Variants in GRM1 observed in about 807,000 individuals in gnomAD.
The protein encoded by GRM1 is glutamate metabotropic receptor 1.
A neutral mutation model predicts 90.9 loss-of-function variants in GRM1; 33 were observed. That is an observed-to-expected ratio of 0.36 (90% CI 0.28 to 0.49). The LOEUF (loss-of-function observed/expected upper bound fraction) is 0.49, where lower values mean the gene tolerates loss of function less well. Ranked by LOEUF, GRM1 falls within the 20% of genes least tolerant of loss-of-function variation. The pLI is 0.99. For synonymous variants in GRM1, 700 were observed against 613.2 expected (o/e 1.14, Z -2.09); for missense variants, 1,190 against 1,534.3 (o/e 0.78, Z 3.75).
intron 1 of GRM1, among the ~76,000 whole-genome samples, chr6:146,058,146 C>T (rs996447659): frequency 5.9e-5 from 9 of 151,984 alleles, no homozygotes; most frequent in East Asian, 5.8e-4. Flanking sequence ...ATGTAGATAA[C>T]GAGCTGTCAT....
chr6:146,363,991 G>A (rs1775586430), intron 5 of GRM1, among the ~76,000 whole-genome samples: 1 of 152,356 alleles, frequency 6.6e-6, no homozygotes, highest in Non-Finnish European at 1.5e-5. Flanking sequence ...GGAAAATGAG[G>A]TTGGGAAGAG....
chr6:146,267,065 A>G (rs141009711), intron 2 of GRM1, among the ~76,000 whole-genome samples: 5 of 152,152 alleles, frequency 3.3e-5, no homozygotes, highest in East Asian at 1.9e-4. Context: ...ACAGGCCCCA[A>G]TGTGTGTTAT....
chr6:146,379,770 G>A (rs954008607), intron 5 of GRM1, among the ~76,000 whole-genome samples: 1 of 152,120 alleles, frequency 6.6e-6, no homozygotes, highest in Non-Finnish European at 1.5e-5. Flanking sequence ...GATCCAAGCT[G>A]TATCTGCTTT....
intron 1 of GRM1, among the ~76,000 whole-genome samples, chr6:146,154,350 T>G (rs374700910): frequency 2.8e-4 from 42 of 152,264 alleles, no homozygotes; most frequent in Non-Finnish European, 5.3e-4. Flanking sequence ...GGCATCTGAC[T>G]TCCTTCCTCG....
intron 2 of GRM1, among the ~76,000 whole-genome samples, chr6:146,264,353 T>C (rs1317682434): frequency 2.0e-5 from 3 of 152,060 alleles, no homozygotes; most frequent in Admixed American, 6.6e-5. Context: ...AATATTTCTA[T>C]CATAAATTTA....
intron 3 of GRM1, among the ~76,000 whole-genome samples, chr6:146,318,370 A>C (rs1784052012): frequency 6.6e-6 from 1 of 152,204 alleles, no homozygotes; most frequent in African/African-American, 2.4e-5. Flanking sequence ...TCAATTATGT[A>C]TATGTGCCAC....
chr6:146,132,630 T>C (rs1432034279), intron 1 of GRM1, among the ~76,000 whole-genome samples: 1 of 152,176 alleles, frequency 6.6e-6, no homozygotes, highest in Admixed American at 6.6e-5. Flanking sequence ...TTAGAATGGG[T>C]CCAGGAAACA....
chr6:146,323,578 T>A lies in GRM1; in HGVS notation c.1186+18732T>A, dbSNP rs369424531. On this transcript the variant is annotated intron_variant, in intron 3 of 7. Coordinates refer to ENST00000282753, the MANE Select transcript of GRM1 (RefSeq NM_001278064.2). ...CTGATGGTAGTTTCTTTTGCTGTGCTGAAGCTCTTTAGTTTAATTAGATCC... is the reference window on the plus strand; with the variant it reads ...CTGATGGTAGTTTCTTTTGCTGTGCAGAAGCTCTTTAGTTTAATTAGATCC... Among the ~76,000 whole-genome samples, 20 of 152,232 alleles carry A rather than the reference T, an allele frequency of 1.3e-4. No individual in the cohort carries two copies. The East Asian group carries it at 2.7e-3, about 21-fold the overall frequency.
chr6:146,073,982 A>G (rs1476523223), intron 1 of GRM1, among the ~76,000 whole-genome samples: 2 of 152,190 alleles, frequency 1.3e-5, no homozygotes, highest in South Asian at 2.1e-4. Flanking sequence ...GGTAGTTAAC[A>G]TAATGTATGA....
intron 1 of GRM1, among the ~76,000 whole-genome samples, chr6:146,145,511 A>T (rs1199231786): frequency 2.6e-5 from 4 of 152,296 alleles, no homozygotes; most frequent in Middle Eastern, 6.8e-3. Flanking sequence ...AAGTAGCCCT[A>T]GGTACAGCTT....
At chr6:146,100,725 A>G (rs574062447) in intron 1 of GRM1, among the ~76,000 whole-genome samples, 3 of 152,334 alleles carry the variant, frequency 2.0e-5, no homozygotes, top group Non-Finnish European at 4.4e-5. Flanking sequence ...TTTAACATAC[A>G]TATACATTTG....
chr6:146,280,745 A>G (rs1334373023), intron 2 of GRM1, among the ~76,000 whole-genome samples: 1 of 152,010 alleles, frequency 6.6e-6, no homozygotes, highest in African/African-American at 2.4e-5. Context: ...CAGCCTCCCT[A>G]GTAGCTGGGA....
At chr6:146,311,011 T>C (rs984815689) in intron 3 of GRM1, among the ~76,000 whole-genome samples, 9 of 152,248 alleles carry the variant, frequency 5.9e-5, no homozygotes, top group African/African-American at 2.2e-4. Context: ...AAGGTATTCA[T>C]AGCTTTGTAA....
intron 2 of GRM1, among the ~76,000 whole-genome samples, chr6:146,302,641 T>C (rs60237109): frequency 0.12 from 18,488 of 151,698 alleles, 2,405 homozygotes; most frequent in African/African-American, 0.32. Flanking sequence ...TCTACCTCCC[T>C]TGGCCTCCCA....
intron 1 of GRM1, among the ~76,000 whole-genome samples, chr6:146,040,177 G>A (rs182977331): frequency 1.7e-4 from 26 of 152,080 alleles, no homozygotes; most frequent in South Asian, 1.7e-3. Context: ...AGAACCTCAT[G>A]TTATGAAAGC....
At chr6:146,289,826 G>A (rs1344405801) in intron 2 of GRM1, among the ~76,000 whole-genome samples, 1 of 152,244 alleles carries the variant, frequency 6.6e-6, no homozygotes, top group East Asian at 1.9e-4. Flanking sequence ...AATAGGCCAT[G>A]TATATACAGT....
intron 2 of GRM1, among the ~76,000 whole-genome samples, chr6:146,168,941 T>C (rs1464537375): frequency 6.6e-6 from 1 of 152,102 alleles, no homozygotes; most frequent in Non-Finnish European, 1.5e-5. Context: ...TAAATATTTA[T>C]GGGACTTGGG....
At chr6:146,130,678 A>G (rs1776367967) in intron 1 of GRM1, among the ~76,000 whole-genome samples, 1 of 152,170 alleles carries the variant, frequency 6.6e-6, no homozygotes, top group Non-Finnish European at 1.5e-5. Flanking sequence ...AAATTTCACT[A>G]GTTTCACCAA....
intron 5 of GRM1, among the ~76,000 whole-genome samples, chr6:146,385,806 A>T (rs940335160): frequency 3.3e-5 from 5 of 152,122 alleles, no homozygotes; most frequent in African/African-American, 1.2e-4. Flanking sequence ...ACGGGAGGGG[A>T]AAATGGAAGA....
Sources: allele counts gnomAD v4.1 joint callset (sites outside exome capture counted in the v4.1 genomes callset), GRCh38; gene constraint gnomAD v4.1.1; transcripts MANE v1.5; gene names NCBI Gene and HGNC (gene_info 2026-07-23, HGNC 2026-07-21).